The following BAZ2B variants were observed in gnomAD, a reference collection of about 807,000 sequenced individuals.
BAZ2B encodes bromodomain adjacent to zinc finger domain 2B, also known as bromodomain adjacent to zinc finger domain protein 2B.
In BAZ2B, 91 loss-of-function variants were observed where a neutral mutation model predicts 246.0. The ratio of observed to expected loss-of-function variants is 0.37; its 90% CI spans 0.31 to 0.44. The LOEUF (loss-of-function observed/expected upper bound fraction) is 0.44, where lower values mean the gene tolerates loss of function less well. BAZ2B is among the 20% of genes least tolerant of loss of function. The pLI, the probability that BAZ2B is intolerant of heterozygous loss-of-function variation, is 1.00. For missense variants in BAZ2B, 2,332 were observed against 2,533.7 expected (o/e 0.92, Z 1.71); for synonymous variants, 855 against 860.0 (o/e 0.99, Z 0.10).
Position 159,349,821 on chromosome 2 carries a change from C to T in BAZ2B, c.4750G>A (p.Val1584Met), listed in dbSNP as rs1469932711. 4 of 1,614,016 alleles carry T rather than the reference C, an allele frequency of 2.5e-6. No homozygotes were observed. In the Admixed American group the frequency reaches 5.0e-5, roughly 20 times the overall value. ...GATGGTGGCTGAGACTGAGGAGTCA[C>T]CAAAGAAGCAGTTGACATATCGGCA... is the stretch of plus-strand genomic sequence containing the variant. ...THADMSTASLVTPQSQPPSKS... is the reference protein window; with the variant it reads ...THADMSTASLMTPQSQPPSKS... The change falls in exon 28 of 37, where the codon GTG becomes ATG. Residue 1584 changes from valine to methionine, a missense_variant. Physicochemically the swap from Val to Met is conservative, Grantham distance 21 (BLOSUM62 1). Transcript: ENST00000392783.
At chr2:159,475,040 T>C (rs762884137) in intron 3 of BAZ2B, among the ~76,000 whole-genome samples, 1 of 152,110 alleles carries the variant, frequency 6.6e-6, no homozygotes, top group African/African-American at 2.4e-5. Flanking sequence ...TGTCTTGGGG[T>C]TGCTTTTCTT....
At chr2:159,360,899 T>A (rs962099228) in intron 27 of BAZ2B, among the ~76,000 whole-genome samples, 11 of 152,242 alleles carry the variant, frequency 7.2e-5, no homozygotes, top group African/African-American at 9.6e-5. Context: ...GCTAGTCATA[T>A]GCAGAAAACT....
At chr2:159,696,102 T>C in the BAZ2B span, among the ~76,000 whole-genome samples, 1 of 152,196 alleles carries the variant, frequency 6.6e-6, no homozygotes, top group Admixed American at 6.5e-5. Context: ...GAGGGGGTTA[T>C]AGGTATTTTC....
chr2:159,523,620 G>T (rs1219124210), intron 2 of BAZ2B, among the ~76,000 whole-genome samples: 1 of 151,544 alleles, frequency 6.6e-6, no homozygotes, highest in Admixed American at 6.6e-5. Context: ...GGAAGAACTG[G>T]TTGAACCCGG....
chr2:159,685,610 G>C, the BAZ2B span, among the ~76,000 whole-genome samples: 1 of 151,834 alleles, frequency 6.6e-6, no homozygotes, highest in Non-Finnish European at 1.5e-5. Flanking sequence ...AAAAACAAAG[G>C]AATGGGGCCA....
intron 13 of BAZ2B, among the ~76,000 whole-genome samples, chr2:159,417,785 G>A (rs2068021582): frequency 6.6e-6 from 1 of 152,048 alleles, no homozygotes; most frequent in African/African-American, 2.4e-5. Flanking sequence ...TTCCCTAAAG[G>A]ACCACATTTT....
intron 1 of BAZ2B, among the ~76,000 whole-genome samples, chr2:159,580,094 A>C (rs372365230): frequency 6.6e-6 from 1 of 152,186 alleles, no homozygotes; most frequent in Non-Finnish European, 1.5e-5. Context: ...GAAAGAAATA[A>C]AGGGTATTGA....
the BAZ2B span, among the ~76,000 whole-genome samples, chr2:159,640,410 G>A: frequency 1.3e-5 from 2 of 151,846 alleles, no homozygotes; most frequent in African/African-American, 4.8e-5. Flanking sequence ...TCTTCTTCTT[G>A]GCATATGAAT....
the BAZ2B span, among the ~76,000 whole-genome samples, chr2:159,622,744 G>T: frequency 6.6e-6 from 1 of 152,226 alleles, no homozygotes; most frequent in African/African-American, 2.4e-5. Context: ...CAGGCACAGT[G>T]GCTCATGCCT....
chr2:159,374,780 T>C (rs1378221738), intron 25 of BAZ2B, 27 bp from the exon 26 acceptor site: 2 of 1,584,734 alleles, frequency 1.3e-6, no homozygotes, highest in South Asian at 2.2e-5. Context: ...ACAGTGTCAT[T>C]TATCTGTTTT....
intron 1 of BAZ2B, among the ~76,000 whole-genome samples, chr2:159,599,649 A>G (rs1691612951): frequency 6.7e-6 from 1 of 150,004 alleles, no homozygotes; most frequent in Non-Finnish European, 1.5e-5. Context: ...AAAAAAAGAA[A>G]TCTGGGGCCT....
At chr2:159,440,465 T>C (rs1577059570) in intron 6 of BAZ2B, among the ~76,000 whole-genome samples, 1 of 151,474 alleles carries the variant, frequency 6.6e-6, no homozygotes, top group South Asian at 2.1e-4. Flanking sequence ...GTAACATTCA[T>C]ATGAGTGAGG....
intron 19 of BAZ2B, 31 bp downstream of exon 19, chr2:159,397,314 T>A (rs759092772): frequency 2.1e-6 from 3 of 1,458,050 alleles, no homozygotes; most frequent in Non-Finnish European, 2.8e-6. Context: ...AAATGTACAT[T>A]CAACAATTGT....
Position 159,337,046 on chromosome 2 carries a change from C to A in BAZ2B, c.5692G>T (p.Val1898Leu), listed in dbSNP as rs1457283735. ...GCTTCTGATAATGCCCTTCTCCATA[C>A]CCTGAGCCCTGGAGCAATATCCTCT... The part of the protein sequence containing the change: ...IEEDIAPGLR[V>L]WRRALSEARS... Residue 1898 changes from valine to leucine, a missense_variant, in exon 33 of 37, where the codon GTA becomes TTA. Val to Leu is a conservative substitution (Grantham distance 32). Coordinates refer to ENST00000392783, the MANE Select transcript of BAZ2B (RefSeq NM_013450.4). 1.9e-6 allele frequency: 3 copies of A among 1,613,270 alleles called. No individual in the cohort carries two copies. Among genetic ancestry groups the A allele is most frequent in the Non-Finnish European group, 2.5e-6 (3 of 1,179,254 alleles).
chr2:159,690,115 C>A, the BAZ2B span: 1 of 539,062 alleles, frequency 1.9e-6, no homozygotes, highest in East Asian at 4.2e-5. Flanking sequence ...CAGCAAGACT[C>A]ACTTCAAACA....
At chr2:159,461,400 C>T (rs906265268) in intron 3 of BAZ2B, 2 of 152,606 alleles carry the variant, frequency 1.3e-5, no homozygotes, top group African/African-American at 4.8e-5. Flanking sequence ...ATAAGTTTTA[C>T]ATCCTATTTA....
chr2:159,402,372 C>T (rs1470622431), intron 16 of BAZ2B, among the ~76,000 whole-genome samples: 1 of 152,126 alleles, frequency 6.6e-6, no homozygotes, highest in Non-Finnish European at 1.5e-5. Context: ...ATTGCTGGAA[C>T]CCAGGAGGCG....
intron 6 of BAZ2B, chr2:159,444,435 A>G (rs2073940778): frequency 1.3e-5 from 2 of 152,214 alleles, no homozygotes; most frequent in South Asian, 2.1e-4. Context: ...TCATATAAGC[A>G]TGTTATACTC....
chr2:159,395,897 G>GA (rs2149676107), intron 19 of BAZ2B, 63 bp from the exon 20 acceptor site: 2 of 1,452,392 alleles, frequency 1.4e-6, no homozygotes, highest in African/African-American at 1.4e-5. Context: ...ATTTTCCAAT[G>GA]AAAAAACAAA....
Sources: allele counts gnomAD v4.1 joint callset (sites outside exome capture counted in the v4.1 genomes callset), GRCh38; gene constraint gnomAD v4.1.1; transcripts MANE v1.5; gene names NCBI Gene and HGNC (gene_info 2026-07-23, HGNC 2026-07-21).